Variants in CFAP54 observed in about 807,000 individuals in gnomAD.
CFAP54 encodes the protein cilia- and flagella-associated protein 54.
A neutral mutation model predicts 370.4 loss-of-function variants in CFAP54; 290 were observed. That is an observed-to-expected ratio of 0.78 (90% CI 0.71 to 0.86). CFAP54 has a LOEUF of 0.86. CFAP54 is among the 40% of genes least tolerant of loss of function. The pLI is 0.00. For missense variants in CFAP54, 3,399 were observed against 3,528.7 expected, an observed-to-expected ratio of 0.96 and a Z score of 0.93; for synonymous variants, 1,206 against 1,236.5, an observed-to-expected ratio of 0.98 and a Z score of 0.52.
chr12:96,764,154 C>T lies in CFAP54; in HGVS notation c.8044C>T (p.Pro2682Ser), dbSNP rs1958370345. ...AACACATTTGCCATATTTTTAGCCTCCTCTCAGAAGAAGTAGTTCTGTTAA... is the reference window on the plus strand; with the variant it reads ...AACACATTTGCCATATTTTTAGCCTTCTCTCAGAAGAAGTAGTTCTGTTAA... Reference protein sequence around the residue: ...ISGSPLTLKPPLRRSSSVKET... With the variant: ...ISGSPLTLKPSLRRSSSVKET... The change falls in exon 59 of 68, where the codon CCT (proline) becomes TCT (serine). Residue 2682 changes from proline (P) to serine (S), a missense_variant. This residue lies in a region of CFAP54 where 2,796 missense variants were observed against 2,869.7 expected (regional missense o/e 0.97). Coordinates refer to ENST00000524981, the MANE Select transcript of CFAP54 (RefSeq NM_001306084.2). 3 of 1,606,722 alleles carry T rather than the reference C, an allele frequency of 1.9e-6. No homozygotes were observed. Among genetic ancestry groups the T allele is most frequent in the Admixed American group, 1.7e-5 (1 of 59,716 alleles).
At chr12:96,529,103 A>G (rs1014813058) in intron 9 of CFAP54, among the ~76,000 whole-genome samples, 3 of 152,162 alleles carry the variant, frequency 2.0e-5, no homozygotes, top group Admixed American at 6.5e-5. Context: ...TAATTATACT[A>G]TGGTCAGAGA....
intron 32 of CFAP54, among the ~76,000 whole-genome samples, chr12:96,632,160 TC>T (rs1956616707): frequency 6.6e-6 from 1 of 152,022 alleles, no homozygotes; most frequent in South Asian, 2.1e-4. Flanking sequence ...CTTGTTTGTA[TC>T]CGTTGCACAT....
At chr12:96,657,854 A>C (rs767727285) in intron 36 of CFAP54, 28 bp from the exon 37 acceptor site, 27 of 1,320,078 alleles carry the variant, frequency 2.0e-5, no homozygotes, top group Non-Finnish European at 2.7e-5. Context: ...GAAATTACAC[A>C]TTTTTTTTTT....
chr12:96,693,969 G>C (rs143406073), intron 45 of CFAP54, among the ~76,000 whole-genome samples, 161 bp downstream of exon 45: 1 of 152,192 alleles, frequency 6.6e-6, no homozygotes, highest in Non-Finnish European at 1.5e-5. Context: ...GTATGAGAAA[G>C]AGCCAGTCAG....
intron 19 of CFAP54, among the ~76,000 whole-genome samples, chr12:96,571,271 C>G (rs939456877): frequency 7.9e-5 from 12 of 152,134 alleles, no homozygotes; most frequent in African/African-American, 2.9e-4. Flanking sequence ...GGAAACTATA[C>G]GCAGAGAAAT....
rs117405108 is a variant in CFAP54, at chr12:96,834,538, G to A, written c.9171+5450G>A. On this transcript the variant is annotated intron_variant, in intron 66 of 67. Coordinates refer to ENST00000524981, the MANE Select transcript of CFAP54 (RefSeq NM_001306084.2). ...CAGGCAGCTCTAGGTGCTGGCATGG[G>A]CGCCAGCTCTCTGCAAGGCTGCAGC... 9.4e-3 allele frequency among the ~76,000 whole-genome samples: 1,439 copies of A among 152,356 alleles called. 54 individuals carry two copies. In the East Asian group the frequency reaches 0.099, roughly 11 times the overall value.
chr12:96,806,204 ATATAT>A (rs1958878573), intron 63 of CFAP54, among the ~76,000 whole-genome samples: 2 of 85,908 alleles, frequency 2.3e-5, no homozygotes, highest in South Asian at 5.2e-4. Context: ...ATATATATAT[ATATAT>A]ATATAATAAC....
chr12:96,681,113 A>ACC (rs747059710), intron 40 of CFAP54, among the ~76,000 whole-genome samples: 21,135 of 136,758 alleles, frequency 0.15, 1,966 homozygotes, highest in East Asian at 0.48. Context: ...ACAGAAAAGC[A>ACC]CCCCCCCACA....
chr12:96,827,733 A>ATATAATTATATATAATTATATTTAT (rs1959134477), intron 65 of CFAP54, among the ~76,000 whole-genome samples: 1 of 123,070 alleles, frequency 8.1e-6, no homozygotes, highest in Non-Finnish European at 1.6e-5. Context: ...ATTATATTTA[A>ATATAATTATATATAATTATATTTAT]TATAATTATA....
intron 65 of CFAP54, among the ~76,000 whole-genome samples, chr12:96,822,447 A>G (rs1426518719): frequency 6.6e-6 from 1 of 152,240 alleles, no homozygotes; most frequent in Non-Finnish European, 1.5e-5. Context: ...AACACAGAGC[A>G]AGATACAATT....
chr12:96,613,751 AT>A (rs1171157132), intron 26 of CFAP54, among the ~76,000 whole-genome samples: 1 of 152,244 alleles, frequency 6.6e-6, no homozygotes, highest in Non-Finnish European at 1.5e-5. Flanking sequence ...CTATATGCAA[AT>A]AAACTAGAAA....
Position 96,519,040 on chromosome 12 carries a change from G to A in CFAP54, c.911G>A (p.Cys304Tyr). ...CTCTACACAGCTGTTTGCCAGTGCT[G>A]CTATGACTGCCATGCCGGGATTCAC... ...ATLYTAVCQC[C>Y]YDCHAGIHGE... The change falls in exon 6 of 68, where the codon TGC becomes TAC. Residue 304 changes from cysteine (C) to tyrosine (Y), a missense_variant. Coordinates refer to ENST00000524981, the MANE Select transcript of CFAP54 (RefSeq NM_001306084.2). 6.5e-7 allele frequency: 1 copy of A among 1,535,452 alleles called. No individual in the cohort carries two copies. Among genetic ancestry groups the A allele is most frequent in the Non-Finnish European group, 8.7e-7 (1 of 1,146,680 alleles).
Position 96,860,850 on chromosome 12 carries a change from T to C in CFAP54, c.9203T>C (p.Phe3068Ser). The C allele has an allele frequency of 6.5e-7, 1 of 1,533,858 alleles. No individual in the cohort carries two copies. The highest frequency in any genetic ancestry group is 8.7e-7 in the Non-Finnish European group (1 of 1,145,510). ...TTTGATATCTCACTGCCGTCTATAT[T>C]CAATCTTGAGAGACTTTTTGATCTG... is the stretch of plus-strand genomic sequence containing the variant. ...VPFDISLPSI[F>S]NLERLFDLAN... is the part of the protein sequence containing the mutation. Residue 3068 changes from phenylalanine (F) to serine (S), a missense_variant, in exon 67 of 68, where the codon TTC becomes TCC. This residue lies in a region of CFAP54 where 2,796 missense variants were observed against 2,869.7 expected (regional missense o/e 0.97). Coordinates refer to ENST00000524981, the MANE Select transcript of CFAP54 (RefSeq NM_001306084.2).
chr12:96,681,012 G>T (rs928230668), intron 40 of CFAP54, among the ~76,000 whole-genome samples: 1 of 152,098 alleles, frequency 6.6e-6, no homozygotes, highest in Admixed American at 6.5e-5. Context: ...GAACCGGCGG[G>T]GCAGAGGTTG....
At chr12:96,825,614 GATATAAT>G (rs1369177768) in intron 65 of CFAP54, among the ~76,000 whole-genome samples, 1 of 115,080 alleles carries the variant, frequency 8.7e-6, no homozygotes, top group Non-Finnish European at 1.6e-5. Flanking sequence ...TATTATATAT[GATATAAT>G]ATATAATATA....
rs186552302 is a variant in CFAP54 at position 96,545,523 on chromosome 12, C to T, written c.2078-2379C>T. On this transcript the variant is annotated intron_variant, in intron 14 of 67. Coordinates refer to ENST00000524981, the MANE Select transcript of CFAP54 (RefSeq NM_001306084.2). ...CAAAAAAAAATAAAGTCACCAGTCC[C>T]GCTCCCATGATAACTCATCAGTCCG... Among the ~76,000 whole-genome samples, 28 of 152,172 alleles carry T rather than the reference C, an allele frequency of 1.8e-4. No homozygotes were observed. In the South Asian group the frequency reaches 3.1e-3, roughly 17 times the overall value.
At chr12:96,870,381 C>G (rs1960126102) in intron 67 of CFAP54, among the ~76,000 whole-genome samples, 1 of 152,172 alleles carries the variant, frequency 6.6e-6, no homozygotes, top group Non-Finnish European at 1.5e-5. Context: ...AACAACTACC[C>G]TATGTTTGAA....
At position 96,554,213 on chromosome 12, in the gene CFAP54, A is replaced by G; in HGVS notation, c.2186A>G (p.Tyr729Cys). Residue 729 changes from tyrosine (Y) to cysteine (C), a missense_variant, in exon 16 of 68, where the codon TAT becomes TGT. Around this residue, in one of 3 missense-constraint regions of CFAP54, gnomAD observed 2,796 missense variants for 2,869.7 expected, o/e 0.97. Transcript: ENST00000524981. Reference protein sequence around the residue: ...KNPVEQLLFAYKLLDRAIGGI... With the variant: ...KNPVEQLLFACKLLDRAIGGI... ...CCTGTGGAACAGTTACTTTTTGCTT[A>G]TAAACTTCTTGACAGAGCAATCGGT... 6.6e-7 allele frequency: 1 copy of G among 1,515,208 alleles called. No individual in the cohort carries two copies. Among genetic ancestry groups the G allele is most frequent in the Non-Finnish European group, 8.8e-7 (1 of 1,138,234 alleles). The allele number at this position is 1,515,208 out of a possible 1,614,324, so 93.9% of individuals were successfully genotyped here.
At chr12:96,656,691 T>C (rs1022604017) in intron 36 of CFAP54, among the ~76,000 whole-genome samples, 1 of 152,194 alleles carries the variant, frequency 6.6e-6, no homozygotes, top group African/African-American at 2.4e-5. Context: ...CTCAGCTTCA[T>C]TGTTGATAAA....
Sources: allele counts gnomAD v4.1 joint callset (sites outside exome capture counted in the v4.1 genomes callset), GRCh38; gene constraint gnomAD v4.1.1; regional missense constraint gnomAD v4.1.1; transcripts MANE v1.5; gene names NCBI Gene and HGNC (gene_info 2026-07-23, HGNC 2026-07-21).